Variants in COL11A1 observed in about 807,000 individuals in gnomAD.
COL11A1 encodes collagen type XI alpha 1 chain.
COL11A1 carries 74 observed loss-of-function variants against 265.2 expected under a neutral mutation model. The observed-to-expected ratio is 0.28, with a 90% CI of 0.23 to 0.34. The LOEUF is 0.34. Among genes scored for constraint, COL11A1 ranks in the 10% least tolerant of loss-of-function variants. COL11A1 has a pLI of 1.00. For missense variants in COL11A1, 2,165 were observed against 2,263.6 expected, an observed-to-expected ratio of 0.96 and a Z score of 0.88; for synonymous variants, 816 against 727.6, an observed-to-expected ratio of 1.12 and a Z score of -1.96.
At chr1:102,964,414 C>T (rs543337335) in intron 38 of COL11A1, among the ~76,000 whole-genome samples, 1 of 152,056 alleles carries the variant, frequency 6.6e-6, no homozygotes, top group Non-Finnish European at 1.5e-5. Context: ...TAAAAAGAAG[C>T]CTTCAGCACA....
chr1:102,886,722 A>T, intron 63 of COL11A1, 85 bp downstream of exon 63: 5 of 1,549,646 alleles, frequency 3.2e-6, no homozygotes, highest in Non-Finnish European at 4.5e-6. Context: ...TGTATTAAAC[A>T]TTTAACTAGA....
chr1:103,006,109 C>T lies in COL11A1; in HGVS notation c.1750G>A (p.Ala584Thr). The stretch of plus-strand genomic sequence containing the variant: ...CCTGGCATTCCTCTTCCTCCATCTG[C>T]ACCTGGACGACCCTAATAATGCCAA... ...GKPGKRGRPGADGGRGMPGEP... is the reference protein window; with the variant it reads ...GKPGKRGRPGTDGGRGMPGEP... Residue 584 changes from alanine to threonine, a missense_variant, in exon 17 of 67, where the codon GCA becomes ACA. Physicochemically the swap from Ala to Thr is moderately conservative, Grantham distance 58. Coordinates refer to ENST00000370096, the MANE Select transcript of COL11A1 (RefSeq NM_001854.4). The T allele has an allele frequency of 1.2e-6, 2 of 1,613,828 alleles. No individual in the cohort carries two copies. Among genetic ancestry groups the T allele is most frequent in the Non-Finnish European group, 1.7e-6 (2 of 1,179,900 alleles).
Position 103,031,255 on chromosome 1 carries a change from A to C in COL11A1, c.652-11T>G. The C allele has an allele frequency of 1.2e-6, 2 of 1,600,862 alleles. No individual in the cohort carries two copies. The highest frequency in any genetic ancestry group is 1.7e-6 in the Non-Finnish European group (2 of 1,177,974). On this transcript the variant is annotated splice_polypyrimidine_tract_variant and intron_variant, in intron 4 of 66. Coordinates refer to ENST00000370096, the MANE Select transcript of COL11A1 (RefSeq NM_001854.4). Reference sequence around the variant, plus strand: ...CTGCTGAATGTCCCCCTGGGAAAAAAAAAAAAACAAAAACAAACAGACACA... The same window carrying C: ...CTGCTGAATGTCCCCCTGGGAAAAACAAAAAAACAAAAACAAACAGACACA...
intron 46 of COL11A1, among the ~76,000 whole-genome samples, chr1:102,924,066 A>AG (rs893991540): frequency 6.6e-6 from 1 of 151,190 alleles, no homozygotes; most frequent in African/African-American, 2.4e-5. Context: ...AAAAAAAAAA[A>AG]AAAAATTAGC....
chr1:103,031,116 C>CTCA lies in COL11A1; in HGVS notation c.777_779dup (p.Asp259dup). ...CCTTCTCTGGTCTTGTGCTCCTCAC[C>CTCA]TCATCTATCTGAGGTTCCTGAGCTT... On this transcript the variant is annotated inframe_insertion and splice_region_variant, in exon 5 of 67. Transcript: ENST00000370096. 6.2e-7 allele frequency: 1 copy of CTCA among 1,613,224 alleles called. No homozygotes were observed. Among genetic ancestry groups the CTCA allele is most frequent in the Non-Finnish European group, 8.5e-7 (1 of 1,179,512 alleles).
intron 4 of COL11A1, among the ~76,000 whole-genome samples, chr1:103,050,176 G>GATAATATCC (rs1669684781): frequency 6.6e-6 from 1 of 152,154 alleles, no homozygotes; most frequent in Non-Finnish European, 1.5e-5. Flanking sequence ...AGTTCTCCTG[G>GATAATATCC]ATAATATCCT....
chr1:103,096,162 G>T (rs76727689), intron 1 of COL11A1, among the ~76,000 whole-genome samples: 10,171 of 151,900 alleles, frequency 0.067, 500 homozygotes, highest in African/African-American at 0.13. Flanking sequence ...TTCATTTTAT[G>T]CTTTCAGACC....
chr1:103,091,567 A>T (rs901281179), intron 1 of COL11A1, among the ~76,000 whole-genome samples: 1 of 152,094 alleles, frequency 6.6e-6, no homozygotes, highest in South Asian at 2.1e-4. Flanking sequence ...AAGCCCTTAC[A>T]GTTGTATAGT....
At chr1:102,994,962 G>C (rs1373460857) in intron 28 of COL11A1, among the ~76,000 whole-genome samples, 1 of 151,988 alleles carries the variant, frequency 6.6e-6, no homozygotes, top group African/African-American at 2.4e-5. Context: ...AGAGAAAGGG[G>C]AAGTACCAGG....
rs758201913 is a variant in COL11A1 at position 102,970,222 on chromosome 1, C to T, written c.2859G>A (p.Glu953=). ...TAAGAGTAACAAGGTCACTTACAGTCTCCCCACGTTGCCCAGGGTGTCCTG... is the reference window on the plus strand; with the variant it reads ...TAAGAGTAACAAGGTCACTTACAGTTTCCCCACGTTGCCCAGGGTGTCCTG... ...GLPGHPGQRG[E]TGFQGKTGPP... The change falls in exon 37 of 67, where the codon GAG becomes GAA. Residue 953 remains glutamate (E), a synonymous_variant. Transcript: ENST00000370096. 1.7e-5 allele frequency: 28 copies of T among 1,612,316 alleles called. No individual in the cohort carries two copies. Among genetic ancestry groups the T allele is most frequent in the South Asian group, 7.7e-5 (7 of 90,868 alleles).
intron 4 of COL11A1, among the ~76,000 whole-genome samples, chr1:103,053,123 A>G (rs904310164): frequency 6.6e-6 from 1 of 152,214 alleles, no homozygotes; most frequent in African/African-American, 2.4e-5. Flanking sequence ...CCAATGACGC[A>G]CTAATCAGCA....
Position 102,935,050 on chromosome 1 carries a change from G to T in COL11A1, c.3492+10C>A. ...GGATTTAGATTTGCTGAACAATGTG[G>T]AATACTCACAGCAATTCCAGGGGCA... On this transcript the variant is annotated intron_variant, in intron 45 of 66. Transcript: ENST00000370096. 3 of 1,613,554 alleles carry T rather than the reference G, an allele frequency of 1.9e-6. No homozygotes were observed. Among genetic ancestry groups the T allele is most frequent in the Non-Finnish European group, 1.7e-6 (2 of 1,179,568 alleles).
chr1:103,065,378 G>A (rs1209107269), intron 4 of COL11A1, among the ~76,000 whole-genome samples: 2 of 151,734 alleles, frequency 1.3e-5, no homozygotes, highest in Non-Finnish European at 2.9e-5. Flanking sequence ...AAATTAGCCG[G>A]GCGTGTTGGC....
At chr1:102,972,161 G>A (rs1449131330) in intron 36 of COL11A1, among the ~76,000 whole-genome samples, 1 of 151,994 alleles carries the variant, frequency 6.6e-6, no homozygotes, top group South Asian at 2.1e-4. Flanking sequence ...TCAATTCTGG[G>A]CAATAATAAA....
chr1:103,068,103 T>C (rs1305205363), intron 4 of COL11A1, among the ~76,000 whole-genome samples: 1 of 151,664 alleles, frequency 6.6e-6, no homozygotes, highest in Admixed American at 6.6e-5. Context: ...ATGAAGCCAG[T>C]ATAACCCTAT....
At chr1:102,933,832 C>T (rs984002590) in intron 46 of COL11A1, among the ~76,000 whole-genome samples, 12 of 152,172 alleles carry the variant, frequency 7.9e-5, no homozygotes, top group African/African-American at 1.9e-4. Context: ...TGCAGTATTC[C>T]GGTGGGAGTG....
chr1:103,005,777 G>T, intron 18 of COL11A1, 61 bp downstream of exon 18: 2 of 1,591,574 alleles, frequency 1.3e-6, no homozygotes, highest in Non-Finnish European at 1.7e-6. Context: ...TTTGCAAATT[G>T]TTATCAATTC....
At position 103,005,851 on chromosome 1, in the gene COL11A1, T is replaced by A; in HGVS notation, c.1832A>T (p.Asp611Val). ...GATGTATCTTACCCTGTGACCTTTGTCACCTGGCAGACCCGGAAGTCCATC... is the reference window on the plus strand; with the variant it reads ...GATGTATCTTACCCTGTGACCTTTGACACCTGGCAGACCCGGAAGTCCATC... ...GFDGLPGLPG[D>V]KGHRGERGPQ... is the part of the protein sequence containing the mutation. The change falls in exon 18 of 67, where the codon GAC (aspartate) becomes GTC (valine). Residue 611 changes from aspartate (D) to valine (V), a missense_variant. Transcript: ENST00000370096. 6.2e-7 allele frequency: 1 copy of A among 1,614,128 alleles called. No homozygotes were observed. The highest frequency in any genetic ancestry group is 1.6e-4 in the Middle Eastern group (1 of 6,062).
chr1:102,946,885 C>G lies in COL11A1; in HGVS notation c.3240G>C (p.Gln1080His), dbSNP rs764915609. The G allele has an allele frequency of 6.2e-7, 1 of 1,613,608 alleles. No individual in the cohort carries two copies. The highest frequency in any genetic ancestry group is 1.1e-5 in the South Asian group (1 of 90,950). ...PIGLPGRPGP[Q>H]GPPGPAGEKG... ...TCTCTCCAGCTGGACCAGGAGGACC[C>G]TGAGGTCCCGGGCGCCCTGGTAAAC... Residue 1080 changes from glutamine to histidine, a missense_variant, in exon 42 of 67, where the codon CAG becomes CAC. Transcript: ENST00000370096.
Sources: allele counts gnomAD v4.1 joint callset (sites outside exome capture counted in the v4.1 genomes callset), GRCh38; gene constraint gnomAD v4.1.1; transcripts MANE v1.5; gene names NCBI Gene and HGNC (gene_info 2026-07-23, HGNC 2026-07-21).